FSD2: variants seen among roughly 807,000 people sequenced by gnomAD.
The protein encoded by FSD2 is fibronectin type III and SPRY domain containing 2.
A neutral mutation model predicts 80.4 loss-of-function variants in FSD2; 71 were observed. That is an observed-to-expected ratio of 0.88 (90% CI 0.73 to 1.08). FSD2 has a LOEUF of 1.08. Ranked by LOEUF, FSD2 falls within the 50% of genes least tolerant of loss-of-function variation. The pLI is 0.00. For synonymous variants in FSD2, 361 were observed against 329.5 expected (o/e 1.10, Z -1.03); for missense variants, 923 against 913.8 (o/e 1.01, Z -0.13).
At chr15:82,785,978 C>G (rs1182780067) in intron 3 of FSD2, among the ~76,000 whole-genome samples, 1 of 152,026 alleles carries the variant, frequency 6.6e-6, no homozygotes, top group Admixed American at 6.6e-5. Context: ...ACCACCTGGG[C>G]TCAAATGAGG....
chr15:82,772,084 G>T lies in FSD2; in HGVS notation c.1256C>A (p.Thr419Lys). ...YRPVQDSSPG[T>K]DQAEFTVTVK... is the part of the protein sequence containing the mutation. ...TGGCAGAGCCTCACCTGCTTGGTCC[G>T]TCCCAGGTGAGCTGTCCTGCACTGG... Residue 419 changes from threonine (T) to lysine (K), a missense_variant, in exon 7 of 13, where the codon ACG (threonine) becomes AAG (lysine). Coordinates refer to ENST00000334574, the MANE Select transcript of FSD2 (RefSeq NM_001007122.4). The T allele has an allele frequency of 2.5e-6, 4 of 1,576,248 alleles. No individual in the cohort carries two copies. The highest frequency in any genetic ancestry group is 3.4e-6 in the Non-Finnish European group (4 of 1,165,884).
At position 82,756,125 on chromosome 15, in the gene FSD2, A is replaced by T. The variant is rs907964791; in HGVS notation, c.*3223T>A. On this transcript the variant is annotated 3_prime_UTR_variant, in exon 13 of 13. Coordinates refer to ENST00000334574, the MANE Select transcript of FSD2 (RefSeq NM_001007122.4). ...GAAAATAGGAGTAGTACACTTATAG[A>T]TGAGAAAACTGGAGAAAGACATAGT... 2.5e-5 allele frequency: 9 copies of T among 366,636 alleles called. No homozygotes were observed. The highest frequency in any genetic ancestry group is 4.5e-5 in the Non-Finnish European group (8 of 178,694). 22.7% of individuals were successfully genotyped at this position (366,636 alleles called of 1,614,324 possible).
intron 1 of FSD2, among the ~76,000 whole-genome samples, chr15:82,793,920 A>G (rs762740253): frequency 2.6e-5 from 4 of 151,710 alleles, no homozygotes; most frequent in African/African-American, 4.8e-5. Context: ...AGGTTTGTCA[A>G]TTTTGCTGAT....
chr15:82,766,087 C>T (rs1471613462), intron 9 of FSD2, 56 bp from the exon 10 acceptor site: 8 of 1,497,094 alleles, frequency 5.3e-6, no homozygotes, highest in African/African-American at 1.4e-5. Context: ...CAGGCCCAAG[C>T]ACCAGGCATC....
intron 1 of FSD2, among the ~76,000 whole-genome samples, chr15:82,793,433 T>C (rs1031837896): frequency 1.3e-5 from 2 of 152,220 alleles, no homozygotes; most frequent in Non-Finnish European, 2.9e-5. Context: ...TTGTCAAGTA[T>C]GACATCCATA....
intron 9 of FSD2, among the ~76,000 whole-genome samples, chr15:82,766,735 T>C (rs1294537075): frequency 7.6e-6 from 1 of 131,402 alleles, no homozygotes. Flanking sequence ...AGTGAGACTG[T>C]CTCAAAAAAA....
rs759207003 is a variant in FSD2 at position 82,783,125 on chromosome 15, G to A, written c.736-100C>T. 2.4e-5 allele frequency: 20 copies of A among 838,666 alleles called. No homozygotes were observed. The Middle Eastern group carries it at 7.8e-4, about 33-fold the overall frequency. 52.0% of individuals were successfully genotyped at this position (838,666 alleles called of 1,614,324 possible). ...TTTGTTTGTTTGTTTTTGAGACACA[G>A]TCTTGCAGTGTTGCCCAGGCTGGAG... On this transcript the variant is annotated intron_variant, in intron 3 of 12. Transcript: ENST00000334574.
At chr15:82,764,702 T>A (rs375364733) in intron 11 of FSD2, among the ~76,000 whole-genome samples, 4 of 152,006 alleles carry the variant, frequency 2.6e-5, no homozygotes, top group South Asian at 2.1e-4. Flanking sequence ...GGTCTCAAAC[T>A]CCTGACCTCA....
chr15:82,770,827 C>T (rs1289561740), intron 7 of FSD2, among the ~76,000 whole-genome samples: 2 of 152,128 alleles, frequency 1.3e-5, no homozygotes, highest in South Asian at 2.1e-4. Context: ...AATTTACGTT[C>T]GGATATCATT....
At chr15:82,803,276 G>T (rs1469942307) in intron 1 of FSD2, among the ~76,000 whole-genome samples, 1 of 152,026 alleles carries the variant, frequency 6.6e-6, no homozygotes, top group Admixed American at 6.6e-5. Flanking sequence ...CCTTCCTCAG[G>T]GGTGTCCCTG....
rs370475422 is a variant in FSD2 at position 82,786,763 on chromosome 15, C to G, written c.628G>C (p.Glu210Gln). ...GGACACCTATTTACCTTGGCACTTT[C>G]CAGTGCTTCATTGAGTGGGATCACT... ...HEVIPLNEAL[E>Q]SAKDEIHKNM... The change falls in exon 2 of 13, where the codon GAA (glutamate) becomes CAA (glutamine). Residue 210 changes from glutamate to glutamine, a missense_variant. Physicochemically the swap from Glu to Gln is conservative, Grantham distance 29. Coordinates refer to ENST00000334574, the MANE Select transcript of FSD2 (RefSeq NM_001007122.4). 6.2e-7 allele frequency: 1 copy of G among 1,613,440 alleles called. No individual in the cohort carries two copies. Among genetic ancestry groups the G allele is most frequent in the Non-Finnish European group, 8.5e-7 (1 of 1,179,530 alleles).
chr15:82,786,562 A>G lies in FSD2; in HGVS notation c.684T>C (p.Ile228=), dbSNP rs1045470440. ...AATGATTTGCAAAGTTTTCCATCTC[A>G]ATTATCTGCTTTTCCAATTTGTACA... is the stretch of plus-strand genomic sequence containing the variant. The part of the protein sequence containing the change: ...KNMYKLEKQI[I]EMENFANHLE... The change falls in exon 3 of 13, where the codon ATT becomes ATC. Residue 228 remains isoleucine, a synonymous_variant. Coordinates refer to ENST00000334574, the MANE Select transcript of FSD2 (RefSeq NM_001007122.4). 3 of 1,613,590 alleles carry G rather than the reference A, an allele frequency of 1.9e-6. No individual in the cohort carries two copies. The African/African-American group carries it at 4.0e-5, about 22-fold the overall frequency.
intron 6 of FSD2, among the ~76,000 whole-genome samples, chr15:82,775,559 C>T (rs2049696278): frequency 6.6e-6 from 1 of 152,140 alleles, no homozygotes; most frequent in South Asian, 2.1e-4. Context: ...TGTCTTGTTT[C>T]TGATCTTAGA....
At chr15:82,793,417 C>T (rs1279377397) in intron 1 of FSD2, among the ~76,000 whole-genome samples, 1 of 151,884 alleles carries the variant, frequency 6.6e-6, no homozygotes, top group Non-Finnish European at 1.5e-5. Context: ...GTAACTTATA[C>T]ATGTATTGTC....
chr15:82,765,024 C>G, intron 11 of FSD2, 142 bp downstream of exon 11: 1 of 1,035,234 alleles, frequency 9.7e-7, no homozygotes, highest in Non-Finnish European at 1.4e-6. Flanking sequence ...GGTCCCCTCC[C>G]CATTAGGCTC....
intron 9 of FSD2, 89 bp downstream of exon 9, chr15:82,768,791 C>T (rs1335677374): frequency 2.5e-6 from 3 of 1,222,304 alleles, no homozygotes; most frequent in Non-Finnish European, 3.1e-6. Flanking sequence ...AAATGCCAAC[C>T]TTCTCTTCAG....
At chr15:82,774,186 CTTCAGTCTCCCAA>C (rs1325843302) in intron 6 of FSD2, among the ~76,000 whole-genome samples, 1 of 152,188 alleles carries the variant, frequency 6.6e-6, no homozygotes, top group Non-Finnish European at 1.5e-5. Flanking sequence ...AATCCTCCCA[CTTCAGTCTCCCAA>C]GTAACTGGGG....
intron 1 of FSD2, among the ~76,000 whole-genome samples, chr15:82,796,764 G>A (rs1208195509): frequency 6.6e-6 from 1 of 152,076 alleles, no homozygotes; most frequent in Admixed American, 6.5e-5. Context: ...TCACTCTTCA[G>A]GCTATGGAAT....
chr15:82,766,702 G>T (rs958648977), intron 9 of FSD2, among the ~76,000 whole-genome samples: 3 of 146,242 alleles, frequency 2.1e-5, no homozygotes, highest in Admixed American at 7.0e-5. Context: ...AGATCATCAC[G>T]CCACTGCACT....
Sources: allele counts gnomAD v4.1 joint callset (sites outside exome capture counted in the v4.1 genomes callset), GRCh38; gene constraint gnomAD v4.1.1; transcripts MANE v1.5; gene names NCBI Gene and HGNC (gene_info 2026-07-23, HGNC 2026-07-21).